Variants in CSNK1A1 observed in about 807,000 individuals in gnomAD.
The protein encoded by CSNK1A1 is casein kinase I isoform alpha.
A neutral mutation model predicts 46.1 loss-of-function variants in CSNK1A1; 7 were observed. That is an observed-to-expected ratio of 0.15 (90% CI 0.09 to 0.29). The LOEUF is 0.29. Among genes scored for constraint, CSNK1A1 ranks in the 10% least tolerant of loss-of-function variants. The pLI is 1.00. For missense variants in CSNK1A1, 96 were observed against 417.1 expected (o/e 0.23, Z 6.71); for synonymous variants, 137 against 141.5 (o/e 0.97, Z 0.23).
At chr5:149,533,662 G>A (rs912067448) in intron 2 of CSNK1A1, among the ~76,000 whole-genome samples, 8 of 150,796 alleles carry the variant, frequency 5.3e-5, no homozygotes, top group African/African-American at 9.8e-5. Flanking sequence ...ATAATTGAGC[G>A]GGGACGTAGT....
At position 149,493,637 on chromosome 5, in the gene CSNK1A1, G is replaced by C. The variant is rs984891492; in HGVS notation, c.*3216C>G. On this transcript the variant is annotated 3_prime_UTR_variant, in exon 10 of 10. Transcript: ENST00000377843. Reference sequence around the variant, plus strand: ...ACATACACTGCTAAAAAAAAAAAAAGATTGTCATTAAGAATATTACAATAG... The same window carrying C: ...ACATACACTGCTAAAAAAAAAAAAACATTGTCATTAAGAATATTACAATAG... 2.0e-5 allele frequency: 3 copies of C among 150,800 alleles called. No individual in the cohort carries two copies. The highest frequency in any genetic ancestry group is 7.3e-5 in the African/African-American group (3 of 41,034). The allele number at this position is 150,800 out of a possible 1,614,324, so 9.3% of individuals were successfully genotyped here.
chr5:149,528,513 G>T (rs1262274013), intron 2 of CSNK1A1, among the ~76,000 whole-genome samples: 1 of 152,140 alleles, frequency 6.6e-6, no homozygotes, highest in African/African-American at 2.4e-5. Flanking sequence ...ATCACACACA[G>T]ATTCAGAACC....
rs1580840940 is a variant in CSNK1A1 at position 149,523,840 on chromosome 5, C to T, written c.357+1205G>A. ...GAACATTACAATTCTACTCTTCTAG[C>T]TATTTTGAAATAAACGATAAGCTAT... is the stretch of plus-strand genomic sequence containing the variant. On this transcript the variant is annotated intron_variant, in intron 3 of 9. Transcript: ENST00000377843. 3.3e-5 allele frequency among the ~76,000 whole-genome samples: 5 copies of T among 152,284 alleles called. 1 individual carries two copies. In the South Asian group the frequency reaches 1.0e-3, roughly 32 times the overall value.
At chr5:149,508,664 T>C (rs1761114344) in intron 7 of CSNK1A1, among the ~76,000 whole-genome samples, 1 of 152,262 alleles carries the variant, frequency 6.6e-6, no homozygotes, top group Admixed American at 6.5e-5. Flanking sequence ...GCTGCTATTT[T>C]GGATTGCTCC....
Position 149,525,460 on chromosome 5 carries a change from C to T in CSNK1A1, c.231-289G>A, listed in dbSNP as rs1474997101. ...GCAGCTGAATTTTATACCCACTGGC[C>T]ACTGATTCCTATGGCCTTTACCAAA... On this transcript the variant is annotated intron_variant, in intron 2 of 9. Coordinates refer to ENST00000377843, the MANE Select transcript of CSNK1A1 (RefSeq NM_001892.6). The surrounding 1 kb of genome is among the most constrained non-coding windows in gnomAD (Gnocchi z 4.2). 5.3e-5 allele frequency among the ~76,000 whole-genome samples: 8 copies of T among 152,132 alleles called. No individual in the cohort carries two copies. The highest frequency in any genetic ancestry group is 1.7e-4 in the African/African-American group (7 of 41,430).
intron 2 of CSNK1A1, among the ~76,000 whole-genome samples, chr5:149,537,454 G>A (rs988301075): frequency 1.3e-5 from 2 of 152,000 alleles, no homozygotes; most frequent in African/African-American, 4.8e-5. Context: ...TCCTACAACA[G>A]CCATAGCACT....
chr5:149,531,239 A>G (rs898482166), intron 2 of CSNK1A1, among the ~76,000 whole-genome samples: 1 of 152,048 alleles, frequency 6.6e-6, no homozygotes, highest in African/African-American at 2.4e-5. Flanking sequence ...TTACTTCTAA[A>G]CAATCAATTT....
At chr5:149,515,608 C>A (rs1761377236) in intron 4 of CSNK1A1, among the ~76,000 whole-genome samples, 1 of 152,090 alleles carries the variant, frequency 6.6e-6, no homozygotes, top group Non-Finnish European at 1.5e-5. Context: ...TCTCAGTAAA[C>A]AACTGAAAGG....
chr5:149,530,778 C>T (rs540231214), intron 2 of CSNK1A1, among the ~76,000 whole-genome samples: 25 of 151,794 alleles, frequency 1.6e-4, no homozygotes, highest in African/African-American at 5.8e-4. Flanking sequence ...CCAGTCTGAC[C>T]AATATGGTGA....
intron 6 of CSNK1A1, among the ~76,000 whole-genome samples, chr5:149,510,184 G>A (rs1284455496): frequency 6.6e-6 from 1 of 152,206 alleles, no homozygotes; most frequent in Non-Finnish European, 1.5e-5. Context: ...GAAAGGGTGA[G>A]TCTAATAGGA....
At chr5:149,534,183 T>TA (rs1253261034) in intron 2 of CSNK1A1, among the ~76,000 whole-genome samples, 3 of 151,884 alleles carry the variant, frequency 2.0e-5, no homozygotes, top group South Asian at 2.1e-4. Context: ...ACTTAGAAGA[T>TA]AAAAAAGAAG....
chr5:149,520,449 C>T (rs1268285090), intron 3 of CSNK1A1, 61 bp from the exon 4 acceptor site: 1 of 939,374 alleles, frequency 1.1e-6, no homozygotes, highest in Non-Finnish European at 1.7e-6. Context: ...CAACACATTT[C>T]TTAAGTATTT....
At chr5:149,498,259 C>A in intron 9 of CSNK1A1, 1 of 984,418 alleles carries the variant, frequency 1.0e-6, no homozygotes, top group Non-Finnish European at 1.2e-6. Flanking sequence ...AGCGAACATA[C>A]AAGAGAGTAG....
At chr5:149,537,240 G>T (rs1762085316) in intron 2 of CSNK1A1, among the ~76,000 whole-genome samples, 1 of 152,104 alleles carries the variant, frequency 6.6e-6, no homozygotes, top group African/African-American at 2.4e-5. Flanking sequence ...GCCGGGTGCA[G>T]TAGTGGGCGC....
intron 2 of CSNK1A1, among the ~76,000 whole-genome samples, chr5:149,549,709 G>A (rs915274865): frequency 3.9e-5 from 6 of 152,090 alleles, no homozygotes; most frequent in Non-Finnish European, 8.8e-5. Context: ...GGGTCGCTTC[G>A]GCACCTTCAA....
chr5:149,500,826 G>GT (rs1760832778), intron 9 of CSNK1A1, among the ~76,000 whole-genome samples: 1 of 151,238 alleles, frequency 6.6e-6, no homozygotes, highest in Non-Finnish European at 1.5e-5. Flanking sequence ...AAAAAAACCT[G>GT]TAATAACTCT....
At chr5:149,545,849 A>T in intron 2 of CSNK1A1, 1 of 345,648 alleles carries the variant, frequency 2.9e-6, no homozygotes, top group South Asian at 3.8e-5. Flanking sequence ...CGGAAGCTTC[A>T]TTTCTTAAAA....
chr5:149,497,141 T>G (rs1444997266), intron 9 of CSNK1A1: 7 of 1,169,546 alleles, frequency 6.0e-6, no homozygotes, highest in Non-Finnish European at 7.4e-6. Flanking sequence ...CAAATGAGCA[T>G]GTTTCTGCAT....
rs147421548 is a variant in CSNK1A1, at chr5:149,503,705, T to C, written c.1006+1742A>G. 3,609 of 985,404 alleles carry C rather than the reference T, an allele frequency of 3.7e-3. 6 individuals are homozygous for C. Among genetic ancestry groups the C allele is most frequent in the Admixed American group, 7.6e-3 (123 of 16,282 alleles). The allele number at this position is 985,404 out of a possible 1,614,324, so 61.0% of individuals were successfully genotyped here. Reference sequence around the variant, plus strand: ...GATCCAACTTCTCATCTTTAAGACATGGATAGGGCAGGACACAAATTCTGC... The same window carrying C: ...GATCCAACTTCTCATCTTTAAGACACGGATAGGGCAGGACACAAATTCTGC... On this transcript the variant is annotated intron_variant, in intron 9 of 9. Coordinates refer to ENST00000377843, the MANE Select transcript of CSNK1A1 (RefSeq NM_001892.6).
Sources: allele counts gnomAD v4.1 joint callset (sites outside exome capture counted in the v4.1 genomes callset), GRCh38; gene constraint gnomAD v4.1.1; non-coding constraint Gnocchi (gnomAD v3.1); transcripts MANE v1.5; gene names NCBI Gene and HGNC (gene_info 2026-07-23, HGNC 2026-07-21).